Variants in PLCL1 observed in about 807,000 individuals in gnomAD.
PLCL1 encodes the protein phospholipase C like 1 (inactive), also known as inactive phospholipase C-like protein 1.
In PLCL1, 41 loss-of-function variants were observed where a neutral mutation model predicts 84.4. The observed-to-expected ratio is 0.49, with a 90% CI of 0.38 to 0.63. The LOEUF (loss-of-function observed/expected upper bound fraction) is 0.63, where lower values mean the gene tolerates loss of function less well. Ranked by LOEUF, PLCL1 falls within the 30% of genes least tolerant of loss-of-function variation. PLCL1 has a pLI of 0.00. For missense variants in PLCL1, 1,206 were observed against 1,367.8 expected (o/e 0.88, Z 1.87); for synonymous variants, 490 against 488.3 (o/e 1.00, Z -0.05).
intron 1 of PLCL1, among the ~76,000 whole-genome samples, chr2:198,018,559 C>CTA (rs1300544403): frequency 1.3e-5 from 2 of 152,180 alleles, no homozygotes; most frequent in Non-Finnish European, 2.9e-5. Context: ...GGACGTCTAC[C>CTA]ATTACTGAGG....
Position 197,805,193 on chromosome 2 carries a change from G to T in PLCL1, c.94G>T (p.Asp32Tyr). Residue 32 changes from aspartate to tyrosine, a missense_variant, in exon 1 of 6, where the codon GAC (aspartate) becomes TAC (tyrosine). Transcript: ENST00000428675. The surrounding 1 kb of genome is among the most constrained non-coding windows in gnomAD (Gnocchi z 4.0). Reference protein sequence around the residue: ...DPRVGPDAAGDCVTAASGGRM... With the variant: ...DPRVGPDAAGYCVTAASGGRM... ...CCGAGTGGGCCCGGATGCCGCCGGG[G>T]ACTGCGTGACGGCGGCCTCTGGGGG... The T allele has an allele frequency of 1.6e-6, 2 of 1,279,574 alleles. No homozygotes were observed. The highest frequency in any genetic ancestry group is 2.0e-6 in the Non-Finnish European group (2 of 1,015,416). The allele number at this position is 1,279,574 out of a possible 1,614,324, so 79.3% of individuals were successfully genotyped here.
Position 198,085,160 on chromosome 2 carries a change from C to T in PLCL1, c.1643C>T (p.Pro548Leu). The T allele has an allele frequency of 1.9e-6, 3 of 1,613,838 alleles. No homozygotes were observed. The highest frequency in any genetic ancestry group is 1.7e-6 in the Non-Finnish European group (2 of 1,179,814). ...IVKGKKLPSD[P>L]DVLEGEVTDE... is the part of the protein sequence containing the mutation. Reference sequence around the variant, plus strand: ...AAAGGAAAGAAGTTGCCTTCTGATCCAGATGTGTTAGAAGGAGAAGTAACA... The same window carrying T: ...AAAGGAAAGAAGTTGCCTTCTGATCTAGATGTGTTAGAAGGAGAAGTAACA... The change falls in exon 2 of 6, where the codon CCA becomes CTA. Residue 548 changes from proline (P) to leucine (L), a missense_variant. Coordinates refer to ENST00000428675, the MANE Select transcript of PLCL1 (RefSeq NM_006226.4). This position sits in a 1 kb window ranked among gnomAD's most constrained non-coding sequence, Gnocchi z 5.3.
intron 1 of PLCL1, among the ~76,000 whole-genome samples, chr2:197,937,445 TTCTC>T (rs1282804738): frequency 1.3e-5 from 2 of 152,222 alleles, no homozygotes; most frequent in African/African-American, 4.8e-5. Flanking sequence ...CTTCTTCAAT[TTCTC>T]TCATTAATCT....
chr2:198,097,904 T>C (rs1693240094), intron 3 of PLCL1, among the ~76,000 whole-genome samples: 2 of 152,182 alleles, frequency 1.3e-5, no homozygotes, highest in South Asian at 4.1e-4. Context: ...ACAGGCTTGA[T>C]TGCTTAAAAA....
chr2:197,939,940 A>T (rs1689126392), intron 1 of PLCL1, among the ~76,000 whole-genome samples: 1 of 152,112 alleles, frequency 6.6e-6, no homozygotes, highest in South Asian at 2.1e-4. Context: ...ACCAATACTT[A>T]GGCATCAGCC....
At chr2:198,027,167 A>G (rs890352964) in intron 1 of PLCL1, among the ~76,000 whole-genome samples, 7 of 152,188 alleles carry the variant, frequency 4.6e-5, no homozygotes, top group African/African-American at 7.2e-5. Flanking sequence ...ATGGAATACT[A>G]TTTAGCCTTT....
At chr2:198,136,124 A>ATTT in intron 5 of PLCL1, among the ~76,000 whole-genome samples, 1 of 152,188 alleles carries the variant, frequency 6.6e-6, no homozygotes, top group East Asian at 1.9e-4. Flanking sequence ...TTTAAGTTTC[A>ATTT]AGATGTTTTT....
intron 1 of PLCL1, among the ~76,000 whole-genome samples, chr2:197,944,101 A>C (rs1292379315): frequency 1.3e-5 from 2 of 152,188 alleles, no homozygotes; most frequent in Non-Finnish European, 2.9e-5. Context: ...TGAATTCTTT[A>C]GAGTTTGCGT....
intron 1 of PLCL1, among the ~76,000 whole-genome samples, chr2:197,985,290 A>G (rs1332563688): frequency 6.6e-6 from 1 of 152,234 alleles, no homozygotes; most frequent in East Asian, 1.9e-4. Flanking sequence ...AGGGTAGCTT[A>G]GAGAAGAAAG....
intron 5 of PLCL1, among the ~76,000 whole-genome samples, chr2:198,114,612 A>G (rs1693694500): frequency 6.6e-6 from 1 of 151,872 alleles, no homozygotes. Flanking sequence ...TTACAGTGAT[A>G]TAAGTGGAAA....
At chr2:197,981,555 G>T (rs1056200738) in intron 1 of PLCL1, among the ~76,000 whole-genome samples, 1 of 152,020 alleles carries the variant, frequency 6.6e-6, no homozygotes, top group Non-Finnish European at 1.5e-5. Flanking sequence ...ATCATTTAGG[G>T]CAACTATGAA....
intron 1 of PLCL1, among the ~76,000 whole-genome samples, chr2:197,833,892 A>T (rs1258454989): frequency 1.3e-5 from 2 of 152,244 alleles, no homozygotes; most frequent in Non-Finnish European, 2.9e-5. Flanking sequence ...AGCTGGAGGC[A>T]TCATGCTACC....
intron 1 of PLCL1, among the ~76,000 whole-genome samples, chr2:197,924,192 T>C (rs1373995375): frequency 7.0e-6 from 1 of 142,448 alleles, no homozygotes; most frequent in Non-Finnish European, 1.6e-5. Flanking sequence ...AGAGGCCCCC[T>C]TACATTTTTG....
At chr2:198,076,402 T>C (rs191472381) in intron 1 of PLCL1, among the ~76,000 whole-genome samples, 37 of 152,336 alleles carry the variant, frequency 2.4e-4, no homozygotes, top group African/African-American at 1.4e-4. Flanking sequence ...ATAAATAAAA[T>C]TTAATGGTAA....
chr2:197,935,864 C>T (rs1484030342), intron 1 of PLCL1, among the ~76,000 whole-genome samples: 1 of 152,170 alleles, frequency 6.6e-6, no homozygotes, highest in Non-Finnish European at 1.5e-5. Context: ...CTTATTTATT[C>T]TATCTGACAC....
intron 1 of PLCL1, among the ~76,000 whole-genome samples, chr2:197,914,563 T>C (rs1688554616): frequency 6.6e-6 from 1 of 152,188 alleles, no homozygotes; most frequent in Admixed American, 6.5e-5. Context: ...ACTTCTGACC[T>C]TGTGATTTGC....
At position 197,805,703 on chromosome 2, in the gene PLCL1, G is replaced by A. The variant is rs1690459774; in HGVS notation, c.240+364G>A. Among the ~76,000 whole-genome samples the A allele has an allele frequency of 6.6e-6, 1 of 152,176 alleles. No individual in the cohort carries two copies. The highest frequency in any genetic ancestry group is 2.1e-4 in the South Asian group (1 of 4,832). ...TGGTTGTGCATTGCTTTCCAATGAA[G>A]GGTTAGCTTTTCCCATACAATGAAG... is the stretch of plus-strand genomic sequence containing the variant. On this transcript the variant is annotated intron_variant, in intron 1 of 5. Transcript: ENST00000428675. The surrounding 1 kb of genome is among the most constrained non-coding windows in gnomAD (Gnocchi z 4.0).
At chr2:198,106,472 A>G (rs1693477033) in intron 5 of PLCL1, among the ~76,000 whole-genome samples, 1 of 151,862 alleles carries the variant, frequency 6.6e-6, no homozygotes, top group South Asian at 2.1e-4. Context: ...TTGCTTAAGG[A>G]GCAGGGATGA....
chr2:198,021,242 TA>T (rs935109338), intron 1 of PLCL1, among the ~76,000 whole-genome samples: 1 of 152,256 alleles, frequency 6.6e-6, no homozygotes, highest in Admixed American at 6.5e-5. Flanking sequence ...GGGACACAGC[TA>T]AAGCAGTGTT....
Sources: allele counts gnomAD v4.1 joint callset (sites outside exome capture counted in the v4.1 genomes callset), GRCh38; gene constraint gnomAD v4.1.1; non-coding constraint Gnocchi (gnomAD v3.1); transcripts MANE v1.5; gene names NCBI Gene and HGNC (gene_info 2026-07-23, HGNC 2026-07-21).